Variants in RELCH observed in about 807,000 individuals in gnomAD.
The protein encoded by RELCH is RAB11-binding protein RELCH.
A neutral mutation model predicts 150.3 loss-of-function variants in RELCH; 41 were observed. That is an observed-to-expected ratio of 0.27 (90% confidence interval 0.21 to 0.35). The LOEUF (loss-of-function observed/expected upper bound fraction) is 0.35, where lower values mean the gene tolerates loss of function less well. RELCH is among the 10% of genes least tolerant of loss of function. The pLI, the probability that RELCH is intolerant of heterozygous loss-of-function variation, is 1.00. For missense variants in RELCH, 1,092 were observed against 1,467.8 expected (o/e 0.74, Z 4.18); for synonymous variants, 478 against 531.8 (o/e 0.90, Z 1.39).
intron 12 of RELCH, among the ~76,000 whole-genome samples, chr18:62,254,349 T>A (rs2144604549): frequency 6.6e-6 from 1 of 152,268 alleles, no homozygotes; most frequent in African/African-American, 2.4e-5. Flanking sequence ...ATTTCATGCT[T>A]TTGGATGCTA....
intron 15 of RELCH, among the ~76,000 whole-genome samples, chr18:62,259,866 A>T (rs569315541): frequency 2.4e-4 from 36 of 152,070 alleles, no homozygotes; most frequent in African/African-American, 8.2e-4. Context: ...CAAAGGCACC[A>T]AGAACATATA....
chr18:62,279,733 C>A, intron 22 of RELCH, 41 bp from the exon 23 acceptor site: 1 of 1,325,434 alleles, frequency 7.5e-7, no homozygotes. Flanking sequence ...TTTGCTCTTT[C>A]CGTGCATCAC....
chr18:62,242,034 T>C (rs1270032915), intron 10 of RELCH, among the ~76,000 whole-genome samples: 1 of 152,168 alleles, frequency 6.6e-6, no homozygotes, highest in Non-Finnish European at 1.5e-5. Context: ...AACAGACCAC[T>C]CTCTGCATTT....
chr18:62,190,235 G>A (rs368857656), intron 1 of RELCH, among the ~76,000 whole-genome samples: 2 of 152,196 alleles, frequency 1.3e-5, no homozygotes, highest in African/African-American at 2.4e-5. Flanking sequence ...CACGTTTTAA[G>A]TGTGTGCAGT....
rs115710856 is a variant in RELCH at position 62,238,832 on chromosome 18, G to A, written c.1621-5932G>A. ...AGATGAAACATATCTCAATAAAACCGTCATTAAAAAGGCAAAGGAGAAAAC... is the reference window on the plus strand; with the variant it reads ...AGATGAAACATATCTCAATAAAACCATCATTAAAAAGGCAAAGGAGAAAAC... On this transcript the variant is annotated intron_variant, in intron 10 of 28. Transcript: ENST00000644646. Among the ~76,000 whole-genome samples the A allele has an allele frequency of 4.0e-3, 606 of 152,134 alleles. 1 individual carries two copies. Among genetic ancestry groups the A allele is most frequent in the African/African-American group, 9.6e-3 (397 of 41,528 alleles).
Position 62,227,414 on chromosome 18 carries a change from AG to A in RELCH, c.985del (p.Glu329LysfsTer5). 6.2e-7 allele frequency: 1 copy of A among 1,613,308 alleles called. No homozygotes were observed. The highest frequency in any genetic ancestry group is 8.5e-7 in the Non-Finnish European group (1 of 1,179,504). On this transcript the variant is annotated frameshift_variant, in exon 6 of 29. Transcript: ENST00000644646. LOFTEE classifies it high-confidence loss of function. Reference protein sequence around the residue: ...KDLVDVASGVEEDELEALTPI... With the variant: ...KDLVDVASGVXEDELEALTPI... Reference sequence around the variant, plus strand: ...ATCTTGTAGATGTGGCCAGTGGAGTAGAAGAAGATGAATTAGAGGCCCTTAC... The same window carrying A: ...ATCTTGTAGATGTGGCCAGTGGAGTAAAGAAGATGAATTAGAGGCCCTTAC...
intron 22 of RELCH, chr18:62,277,635 A>G (rs2044283843): frequency 3.1e-6 from 3 of 957,876 alleles, no homozygotes; most frequent in South Asian, 4.8e-5. Flanking sequence ...TGAGGCATAC[A>G]TATACCAGGA....
chr18:62,303,250 C>T (rs935681242), intron 28 of RELCH, among the ~76,000 whole-genome samples: 4 of 151,930 alleles, frequency 2.6e-5, no homozygotes, highest in African/African-American at 2.4e-5. Context: ...TGGATTAGGC[C>T]TAGGGATCTG....
At chr18:62,236,262 A>G (rs539690823) in intron 10 of RELCH, among the ~76,000 whole-genome samples, 1 of 151,932 alleles carries the variant, frequency 6.6e-6, no homozygotes, top group African/African-American at 2.4e-5. Flanking sequence ...TTATTTATAC[A>G]TTGCCTGATT....
At chr18:62,230,853 G>T (rs1212041231) in intron 8 of RELCH, among the ~76,000 whole-genome samples, 1 of 151,984 alleles carries the variant, frequency 6.6e-6, no homozygotes, top group African/African-American at 2.4e-5. Context: ...TAGAGAATTG[G>T]GGTTGGAGAA....
In RELCH at chr18:62,309,280, T is replaced by C. The variant is rs935440131; in HGVS notation, c.*3746T>C. On this transcript the variant is annotated 3_prime_UTR_variant, in exon 29 of 29. Coordinates refer to ENST00000644646, the MANE Select transcript of RELCH (RefSeq NM_001346231.2). ...GAGACAAACTACTAATCAAAAATAA[T>C]GTATCAGGTAAGTTTCTGCATATTG... is the stretch of plus-strand genomic sequence containing the variant. 10 of 150,946 alleles carry C rather than the reference T, an allele frequency of 6.6e-5. No homozygotes were observed. In the East Asian group the frequency reaches 1.4e-3, roughly 20 times the overall value. The allele number at this position is 150,946 out of a possible 1,614,324, so 9.4% of individuals were successfully genotyped here.
chr18:62,255,212 C>G (rs908060679), intron 12 of RELCH, among the ~76,000 whole-genome samples, 195 bp from the exon 13 acceptor site: 5 of 152,048 alleles, frequency 3.3e-5, no homozygotes, highest in Admixed American at 3.3e-4. Context: ...ACAGATGACC[C>G]CTGTAACCTC....
At chr18:62,260,894 T>G (rs534922626) in intron 15 of RELCH, among the ~76,000 whole-genome samples, 1 of 152,032 alleles carries the variant, frequency 6.6e-6, no homozygotes, top group East Asian at 1.9e-4. Flanking sequence ...AAGAATGAAA[T>G]GGACCAGAAG....
chr18:62,277,723 C>G (rs1159624322), intron 22 of RELCH: 3 of 935,426 alleles, frequency 3.2e-6, no homozygotes, highest in Non-Finnish European at 3.8e-6. Context: ...AAGAGGGAAC[C>G]CAATCAATCA....
intron 20 of RELCH, among the ~76,000 whole-genome samples, chr18:62,270,256 T>C (rs1404416602): frequency 6.6e-6 from 1 of 152,130 alleles, no homozygotes; most frequent in Non-Finnish European, 1.5e-5. Context: ...CACAACATGG[T>C]TTCTACTGCA....
chr18:62,187,694 A>T lies in RELCH; in HGVS notation c.189A>T (p.Leu63Phe). ...GSLSPQDPVALGSSARPGLPG... is the reference protein window; with the variant it reads ...GSLSPQDPVAFGSSARPGLPG... ...TGTCGCCACAGGATCCCGTGGCCTT[A>T]GGAAGCAGTGCGCGGCCAGGGCTCC... is the stretch of plus-strand genomic sequence containing the variant. Residue 63 changes from leucine to phenylalanine, a missense_variant, in exon 1 of 29, where the codon TTA becomes TTT. Transcript: ENST00000644646. 1 of 1,592,498 alleles carries T rather than the reference A, an allele frequency of 6.3e-7. No homozygotes were observed. The highest frequency in any genetic ancestry group is 8.6e-7 in the Non-Finnish European group (1 of 1,166,126).
At chr18:62,245,281 C>G (rs979216946) in intron 11 of RELCH, among the ~76,000 whole-genome samples, 1 of 152,186 alleles carries the variant, frequency 6.6e-6, no homozygotes, top group African/African-American at 2.4e-5. Flanking sequence ...TAATTACTGA[C>G]AAGTCTCATT....
chr18:62,294,984 T>A (rs895860396), intron 27 of RELCH, among the ~76,000 whole-genome samples: 1 of 152,238 alleles, frequency 6.6e-6, no homozygotes, highest in African/African-American at 2.4e-5. Flanking sequence ...TTGTCAATTA[T>A]TATAAAAATG....
intron 1 of RELCH, among the ~76,000 whole-genome samples, chr18:62,198,676 TTA>T (rs1236660806): frequency 1.3e-5 from 2 of 152,210 alleles, no homozygotes; most frequent in Non-Finnish European, 1.5e-5. Flanking sequence ...ATCCTTACTC[TTA>T]CTTGATTTTA....
Sources: gnomAD v4.1 joint callset for allele counts (sites outside exome capture counted in the v4.1 genomes callset) on GRCh38, gnomAD v4.1.1 for gene constraint, MANE v1.5 for transcripts, NCBI Gene and HGNC (gene_info 2026-07-23, HGNC 2026-07-21) for gene names.